TBXA2R: variants seen among roughly 807,000 people sequenced by gnomAD.
TBXA2R encodes the protein prostanoid TP receptor.
TBXA2R carries 15 observed loss-of-function variants against 15.6 expected under a neutral mutation model. The observed-to-expected ratio is 0.96, with a 90% confidence interval of 0.64 to 1.48. The LOEUF is 1.48. Among genes scored for constraint, TBXA2R ranks in the 40% most tolerant of loss-of-function variants. The pLI is 0.00. For synonymous variants in TBXA2R, 280 were observed against 241.2 expected, an observed-to-expected ratio of 1.16 and a Z score of -1.49; for missense variants, 506 against 491.4, an observed-to-expected ratio of 1.03 and a Z score of -0.28.
In TBXA2R at chr19:3,600,686, G is replaced by T. The variant is rs1388003461; in HGVS notation, c.-52C>A. The T allele has an allele frequency of 6.3e-7, 1 of 1,593,116 alleles. No homozygotes were observed. Among genetic ancestry groups the T allele is most frequent in the South Asian group, 1.1e-5 (1 of 88,940 alleles). ...ACCACCCCATCAGGCCGATGCTGCA[G>T]ACAGGGCAGGCTGGCACTGGTTCAG... On this transcript the variant is annotated 5_prime_UTR_variant, in exon 2 of 3. The change creates a new upstream start codon in the 5' untranslated region. Coordinates refer to ENST00000375190, the MANE Select transcript of TBXA2R (RefSeq NM_001060.6).
intron 2 of TBXA2R, among the ~76,000 whole-genome samples, chr19:3,596,166 TTACA>T (rs1307798402): frequency 2.0e-5 from 3 of 152,112 alleles, no homozygotes; most frequent in Non-Finnish European, 2.9e-5. Context: ...GTAGCTGGGA[TTACA>T]GGTGGCTGCC....
rs763859663 is a variant in TBXA2R at position 3,600,272 on chromosome 19, C to A, written c.363G>T (p.Leu121=). ...VMIFFGLSPL[L]LGAAMASERY... ...GCTCTGAGGCCATGGCGGCCCCCAG[C>A]AGCAGCGGGGACAGGCCGAAGAAGA... The change falls in exon 2 of 3, where the codon CTG becomes CTT. Residue 121 remains leucine (L), a synonymous_variant. Coordinates refer to ENST00000375190, the MANE Select transcript of TBXA2R (RefSeq NM_001060.6). 1.2e-6 allele frequency: 2 copies of A among 1,612,476 alleles called. No homozygotes were observed. The highest frequency in any genetic ancestry group is 3.3e-5 in the Admixed American group (2 of 59,992).
chr19:3,602,509 G>C (rs995136996), intron 1 of TBXA2R, among the ~76,000 whole-genome samples: 7 of 152,150 alleles, frequency 4.6e-5, no homozygotes, highest in Admixed American at 4.6e-4. Flanking sequence ...AGCCAAGGAG[G>C]GCGGATCACC....
intron 2 of TBXA2R, among the ~76,000 whole-genome samples, chr19:3,599,086 T>G (rs1250789613): frequency 6.6e-6 from 1 of 152,192 alleles, no homozygotes; most frequent in African/African-American, 2.4e-5. Flanking sequence ...CATCTATCCA[T>G]CAGTAGTTTT....
rs1430870197 is a variant in TBXA2R at position 3,600,115 on chromosome 19, A to G, written c.520T>C (p.Tyr174His). 1.9e-6 allele frequency: 3 copies of G among 1,611,534 alleles called. No homozygotes were observed. The highest frequency in any genetic ancestry group is 2.2e-5 in the South Asian group (2 of 91,058). The change falls in exon 2 of 3, where the codon TAC (tyrosine) becomes CAC (histidine). Residue 174 changes from tyrosine (Y) to histidine (H), a missense_variant. By Grantham distance (83) the Tyr-to-His change is moderately conservative (BLOSUM62 2). Transcript: ENST00000375190. ...GLLPLLGVGR[Y>H]TVQYPGSWCF... The stretch of plus-strand genomic sequence containing the variant: ...CAGGACCCCGGGTATTGCACGGTGT[A>G]GCGACCCACGCCCAGCAGGGGCAGC...
At position 3,599,713 on chromosome 19, in the gene TBXA2R, C is replaced by T. The variant is rs2032679117; in HGVS notation, c.786+136G>A. The T allele has an allele frequency of 7.6e-6, 10 of 1,320,602 alleles. No individual in the cohort carries two copies. In the East Asian group the frequency reaches 7.6e-5, roughly 10 times the overall value. The allele number at this position is 1,320,602 out of a possible 1,614,324, so 81.8% of individuals were successfully genotyped here. ...GACTCCTGGCCTCAAGCGATCCTCCCGCCTCAGCCTCCCAGAGTTCTGGGA... is the reference window on the plus strand; with the variant it reads ...GACTCCTGGCCTCAAGCGATCCTCCTGCCTCAGCCTCCCAGAGTTCTGGGA... On this transcript the variant is annotated intron_variant, in intron 2 of 2. Transcript: ENST00000375190.
chr19:3,594,730 G>A lies in TBXA2R; in HGVS notation c.*958C>T. 2 of 979,532 alleles carry A rather than the reference G, an allele frequency of 2.0e-6. No individual in the cohort carries two copies. Among genetic ancestry groups the A allele is most frequent in the Non-Finnish European group, 3.0e-6 (2 of 675,740 alleles). The allele number at this position is 979,532 out of a possible 1,614,324, so 60.7% of individuals were successfully genotyped here. On this transcript the variant is annotated 3_prime_UTR_variant, in exon 3 of 3. Transcript: ENST00000375190. ...CCTGCCCTCGTCTGCTCCGGGTGAG[G>A]CCCAATGCACAAACTCCAGAGATTG...
At position 3,595,198 on chromosome 19, in the gene TBXA2R, G is replaced by C; in HGVS notation, c.*490C>G. ...GTTCAAGACCAGCCTGGCCAACACG[G>C]TGAAACCCCGTCTCTACTAAAAATA... On this transcript the variant is annotated 3_prime_UTR_variant, in exon 3 of 3. Transcript: ENST00000375190. The C allele has an allele frequency of 1.6e-6, 1 of 611,042 alleles. No individual in the cohort carries two copies. The highest frequency in any genetic ancestry group is 3.5e-5 in the East Asian group (1 of 28,280). 37.9% of individuals were successfully genotyped at this position (611,042 alleles called of 1,614,324 possible). A position where few individuals can be genotyped will look rare whatever the true frequency, so the allele number is the denominator to read the frequency against.
intron 1 of TBXA2R, among the ~76,000 whole-genome samples, chr19:3,605,184 G>T (rs533729135): frequency 1.3e-5 from 2 of 152,320 alleles, no homozygotes; most frequent in South Asian, 2.1e-4. Context: ...TCTAGTGGGG[G>T]CTCCCCAGGG....
chr19:3,601,805 T>A (rs1394670933), intron 1 of TBXA2R, among the ~76,000 whole-genome samples: 3 of 152,034 alleles, frequency 2.0e-5, no homozygotes, highest in Non-Finnish European at 4.4e-5. Flanking sequence ...CGGGCGCCTG[T>A]AATCCCAGCT....
chr19:3,602,394 C>T (rs945831849), intron 1 of TBXA2R, among the ~76,000 whole-genome samples: 25 of 151,876 alleles, frequency 1.6e-4, no homozygotes, highest in African/African-American at 5.8e-4. Context: ...CAAAGGTGGG[C>T]GAATGGGACT....
chr19:3,600,298 T>C lies in TBXA2R; in HGVS notation c.337A>G (p.Ile113Val). The C allele has an allele frequency of 1.2e-6, 2 of 1,612,844 alleles. No individual in the cohort carries two copies. The highest frequency in any genetic ancestry group is 1.7e-6 in the Non-Finnish European group (2 of 1,179,752). ...RLCRFMGVVM[I>V]FFGLSPLLLG... ...AGCAGCGGGGACAGGCCGAAGAAGATCATGACGACGCCCATGAAGCGACAG... is the reference window on the plus strand; with the variant it reads ...AGCAGCGGGGACAGGCCGAAGAAGACCATGACGACGCCCATGAAGCGACAG... The change falls in exon 2 of 3, where the codon ATC becomes GTC. Residue 113 changes from isoleucine to valine, a missense_variant. By Grantham distance (29) the Ile-to-Val change is conservative. Transcript: ENST00000375190.
chr19:3,599,150 T>C (rs1269942059), intron 2 of TBXA2R, among the ~76,000 whole-genome samples: 1 of 151,962 alleles, frequency 6.6e-6, no homozygotes, highest in Non-Finnish European at 1.5e-5. Flanking sequence ...TGCTTTCTAT[T>C]TTTTTTCTTT....
chr19:3,596,059 C>T (rs1189660134), intron 2 of TBXA2R, 126 bp from the exon 3 acceptor site: 9 of 1,240,704 alleles, frequency 7.3e-6, no homozygotes, highest in African/African-American at 1.5e-5. Flanking sequence ...GACAGGGTCT[C>T]ACTCTGTCGT....
Position 3,600,388 on chromosome 19 carries a change from T to TA in TBXA2R, c.246dup (p.Thr83TyrfsTer308). 1 of 1,613,294 alleles carries TA rather than the reference T, an allele frequency of 6.2e-7. No homozygotes were observed. Among genetic ancestry groups the TA allele is most frequent in the South Asian group, 1.1e-5 (1 of 91,084 alleles). On this transcript the variant is annotated frameshift_variant, in exon 2 of 3. Transcript: ENST00000375190. LOFTEE classifies it high-confidence loss of function. ...GCGGCGTGCTGGGACACCACGATGG[T>TA]ACCGGTCACCAGCAGCCCCAGGAAG... is the stretch of plus-strand genomic sequence containing the variant.
Position 3,594,772 on chromosome 19 carries a change from A to G in TBXA2R, c.*916T>C, listed in dbSNP as rs2032560887. On this transcript the variant is annotated 3_prime_UTR_variant, in exon 3 of 3. Coordinates refer to ENST00000375190, the MANE Select transcript of TBXA2R (RefSeq NM_001060.6). The stretch of plus-strand genomic sequence containing the variant: ...CAGAGATTGAAAACTTCTGGACCCA[A>G]AGGAAAATAAAACCAAAGGCAGAGA... 2 of 1,430,566 alleles carry G rather than the reference A, an allele frequency of 1.4e-6. No homozygotes were observed. Among genetic ancestry groups the G allele is most frequent in the Non-Finnish European group, 1.9e-6 (2 of 1,062,392 alleles). 88.6% of individuals were successfully genotyped at this position (1,430,566 alleles called of 1,614,324 possible).
In TBXA2R at chr19:3,595,883, G is replaced by T. The variant is rs758529770; in HGVS notation, c.837C>A (p.Ala279=). Reference sequence around the variant, plus strand: ...TCTCCGTGGTGCGGGACAGCTGCCCGGCGGGGCTCATGGCAGGCGGGTTTC... The same window carrying T: ...TCTCCGTGGTGCGGGACAGCTGCCCTGCGGGGCTCATGGCAGGCGGGTTTC... ...VLRNPPAMSP[A]GQLSRTTEKE... is the part of the protein sequence containing the mutation. The change falls in exon 3 of 3, where the codon GCC becomes GCA. Residue 279 remains alanine, a synonymous_variant. Coordinates refer to ENST00000375190, the MANE Select transcript of TBXA2R (RefSeq NM_001060.6). The T allele has an allele frequency of 6.2e-7, 1 of 1,608,498 alleles. No homozygotes were observed. Among genetic ancestry groups the T allele is most frequent in the Admixed American group, 1.7e-5 (1 of 59,350 alleles).
chr19:3,602,568 C>T (rs1166000242), intron 1 of TBXA2R, among the ~76,000 whole-genome samples: 1 of 151,866 alleles, frequency 6.6e-6, no homozygotes, highest in Non-Finnish European at 1.5e-5. Context: ...GAAACCGCAT[C>T]TCAACTAATA....
chr19:3,602,215 C>T (rs1025023501), intron 1 of TBXA2R, among the ~76,000 whole-genome samples: 10 of 152,026 alleles, frequency 6.6e-5, no homozygotes, highest in African/African-American at 1.7e-4. Flanking sequence ...AGCGAGACTC[C>T]GTCTAAAAAA....
Sources: gnomAD v4.1 joint callset for allele counts (sites outside exome capture counted in the v4.1 genomes callset) on GRCh38, gnomAD v4.1.1 for gene constraint, MANE v1.5 for transcripts, NCBI Gene and HGNC (gene_info 2026-07-23, HGNC 2026-07-21) for gene names.